The following HELLS variants were observed in gnomAD, a reference collection of about 807,000 sequenced individuals.
HELLS encodes the protein helicase, lymphoid specific.
HELLS carries 32 observed loss-of-function variants against 120.0 expected under a neutral mutation model. That is an observed-to-expected ratio of 0.27 (90% CI 0.20 to 0.36). The LOEUF (loss-of-function observed/expected upper bound fraction) is 0.36, where lower values mean the gene tolerates loss of function less well. HELLS is among the 10% of genes least tolerant of loss of function. The probability of loss-of-function intolerance (pLI) is 1.00; values close to 1 mark genes in which losing one functional copy is unlikely to be tolerated. For synonymous variants in HELLS, 341 were observed against 323.4 expected (o/e 1.05, Z -0.58); for missense variants, 650 against 993.4 (o/e 0.65, Z 4.65).
chr10:94,560,055 C>G (rs558087889), intron 4 of HELLS, among the ~76,000 whole-genome samples: 1 of 151,804 alleles, frequency 6.6e-6, no homozygotes, highest in African/African-American at 2.4e-5. Context: ...TTTTTTGAGA[C>G]GGAGTCTCGT....
intron 3 of HELLS, among the ~76,000 whole-genome samples, chr10:94,557,695 T>G (rs967071622): frequency 5.3e-5 from 8 of 152,208 alleles, no homozygotes; most frequent in African/African-American, 2.4e-5. Flanking sequence ...CAGCTGCCTT[T>G]GTGCAGCTTT....
chr10:94,563,810 T>TTTC (rs1843666095), intron 6 of HELLS, among the ~76,000 whole-genome samples: 1 of 146,806 alleles, frequency 6.8e-6, no homozygotes, highest in South Asian at 2.1e-4. Flanking sequence ...TTTCTTTTCT[T>TTTC]TTTTTTTTTT....
chr10:94,588,171 T>C lies in HELLS; in HGVS notation c.1327-58T>C, dbSNP rs536671963. On this transcript the variant is annotated intron_variant, in intron 12 of 21. Coordinates refer to ENST00000348459, the MANE Select transcript of HELLS (RefSeq NM_018063.5). ...GTAAAGGAGTATATGGGGACAGTATTCCTTGAAAAACAAGAATGTTTAATA... is the reference window on the plus strand; with the variant it reads ...GTAAAGGAGTATATGGGGACAGTATCCCTTGAAAAACAAGAATGTTTAATA... The C allele has an allele frequency of 2.0e-5, 20 of 1,007,394 alleles. No homozygotes were observed. The African/African-American group carries it at 2.9e-4, about 15-fold the overall frequency. 62.4% of individuals were successfully genotyped at this position (1,007,394 alleles called of 1,614,324 possible). A position where few individuals can be genotyped will look rare whatever the true frequency, so the allele number is the denominator to read the frequency against.
intron 2 of HELLS, among the ~76,000 whole-genome samples, chr10:94,549,547 A>G (rs1345879327): frequency 6.6e-6 from 1 of 152,088 alleles, no homozygotes; most frequent in Non-Finnish European, 1.5e-5. Context: ...TTTCTTGGAG[A>G]GGTAAAAGGA....
At chr10:94,547,715 CATCTT>C (rs1842803912) in intron 2 of HELLS, among the ~76,000 whole-genome samples, 1 of 152,102 alleles carries the variant, frequency 6.6e-6, no homozygotes, top group South Asian at 2.1e-4. Context: ...TTTTATTAGT[CATCTT>C]ATTTTACAGA....
intron 17 of HELLS, 148 bp from the exon 18 acceptor site, chr10:94,593,351 G>A (rs1845584359): frequency 1.7e-6 from 1 of 573,408 alleles, no homozygotes. Context: ...CACAGGTTTT[G>A]TTAACATAAT....
exon 10 of HELLS, chr10:94,612,169 A>T (rs183231840): frequency 6.6e-6 from 1 of 152,312 alleles, no homozygotes; most frequent in East Asian, 1.9e-4. Flanking sequence ...CCTTATCTGT[A>T]AGACAGGTAA....
At chr10:94,592,164 CT>C in intron 15 of HELLS, 64 bp from the exon 16 acceptor site, 1 of 1,252,806 alleles carries the variant, frequency 8.0e-7, no homozygotes. Flanking sequence ...TTCCAAATGG[CT>C]TTTGTTTTAA....
chr10:94,560,063 C>T (rs1373675182), intron 4 of HELLS, among the ~76,000 whole-genome samples: 2 of 151,872 alleles, frequency 1.3e-5, no homozygotes, highest in African/African-American at 4.8e-5. Flanking sequence ...GACGGAGTCT[C>T]GTTCTGTCAC....
chr10:94,563,366 A>G (rs1564585247), intron 6 of HELLS, among the ~76,000 whole-genome samples: 1 of 152,148 alleles, frequency 6.6e-6, no homozygotes, highest in Non-Finnish European at 1.5e-5. Context: ...AAAATGCCAC[A>G]TTACAGGCGT....
At chr10:94,580,162 T>G (rs7070488) in intron 10 of HELLS, among the ~76,000 whole-genome samples, 1 of 47,600 alleles carries the variant, frequency 2.1e-5, no homozygotes, top group Non-Finnish European at 4.1e-5. Flanking sequence ...TATATATATA[T>G]ACACACACAC....
rs889512846 is a variant in HELLS at position 94,579,258 on chromosome 10, T to C, written c.1033-2068T>C. On this transcript the variant is annotated intron_variant, in intron 10 of 21. Coordinates refer to ENST00000348459, the MANE Select transcript of HELLS (RefSeq NM_018063.5). The stretch of plus-strand genomic sequence containing the variant: ...CTCTGTTGCCCAGGCTGGAGTTCAG[T>C]GGCGCGATCTTAGCTCACTGCAAGC... Among the ~76,000 whole-genome samples, 7 of 148,670 alleles carry C rather than the reference T, an allele frequency of 4.7e-5. No homozygotes were observed. The East Asian group carries it at 1.4e-3, about 29-fold the overall frequency.
At position 94,562,639 on chromosome 10, in the gene HELLS, A is replaced by G. The variant is rs1051318033; in HGVS notation, c.334-52A>G. The G allele has an allele frequency of 4.7e-6, 6 of 1,265,426 alleles. No homozygotes were observed. In the South Asian group the frequency reaches 6.5e-5, roughly 14 times the overall value. 78.4% of individuals were successfully genotyped at this position (1,265,426 alleles called of 1,614,324 possible). On this transcript the variant is annotated intron_variant, in intron 4 of 21. Coordinates refer to ENST00000348459, the MANE Select transcript of HELLS (RefSeq NM_018063.5). ...AGTTAATCAGTGCCTTTTAACGTAT[A>G]ATACTATGAAGGTCCTTAATAAAAT...
intron 7 of HELLS, among the ~76,000 whole-genome samples, chr10:94,572,999 G>A (rs542645946): frequency 3.3e-5 from 5 of 151,618 alleles, no homozygotes; most frequent in Admixed American, 2.0e-4. Context: ...TCACTCTGTC[G>A]CCCAGGCTGG....
exon 10 of HELLS, chr10:94,612,244 A>G (rs916776384): frequency 7.2e-5 from 11 of 152,184 alleles, no homozygotes; most frequent in Non-Finnish European, 2.9e-5. Flanking sequence ...AAAGCTTTGG[A>G]TAGTACCTAT....
chr10:94,599,211 A>G (rs957841418), intron 21 of HELLS, among the ~76,000 whole-genome samples: 4 of 152,236 alleles, frequency 2.6e-5, no homozygotes, highest in East Asian at 1.9e-4. Flanking sequence ...AATCTAAACT[A>G]TATTAAAAAA....
chr10:94,600,372 G>A (rs1468072061), intron 21 of HELLS, among the ~76,000 whole-genome samples: 1 of 151,658 alleles, frequency 6.6e-6, no homozygotes, highest in Non-Finnish European at 1.5e-5. Context: ...GTAATAAAGG[G>A]CCAGAACCAA....
chr10:94,563,007 C>A, intron 6 of HELLS, 131 bp downstream of exon 6: 1 of 618,306 alleles, frequency 1.6e-6, no homozygotes. Flanking sequence ...TATTATATAT[C>A]ATTTATAGGT....
chr10:94,560,286 A>G (rs1436417121), intron 4 of HELLS, among the ~76,000 whole-genome samples: 3 of 152,126 alleles, frequency 2.0e-5, no homozygotes, highest in Admixed American at 6.6e-5. Context: ...TGCCTTGGCC[A>G]CCCAAAGTGC....
Sources: allele counts gnomAD v4.1 joint callset (sites outside exome capture counted in the v4.1 genomes callset), GRCh38; gene constraint gnomAD v4.1.1; transcripts MANE v1.5; gene names NCBI Gene and HGNC (gene_info 2026-07-23, HGNC 2026-07-21).